SEMA6D: variants seen among roughly 807,000 people sequenced by gnomAD.
SEMA6D encodes the protein semaphorin-6D.
Under a neutral mutation model 106.6 loss-of-function variants are expected in SEMA6D, and 35 were observed. That is an observed-to-expected ratio of 0.33 (90% CI 0.25 to 0.44). The LOEUF is 0.44. Ranked by LOEUF, SEMA6D falls within the 20% of genes least tolerant of loss-of-function variation. SEMA6D has a pLI of 1.00. For missense variants in SEMA6D, 1,185 were observed against 1,345.9 expected (o/e 0.88, Z 1.87); for synonymous variants, 499 against 487.7 (o/e 1.02, Z -0.31).
chr15:47,742,272 A>T (rs2080866526), intron 1 of SEMA6D, among the ~76,000 whole-genome samples: 1 of 148,532 alleles, frequency 6.7e-6, no homozygotes, highest in Admixed American at 6.7e-5. Context: ...ATTTTTACTC[A>T]CATTTTCTCA....
intron 1 of SEMA6D, among the ~76,000 whole-genome samples, chr15:47,255,520 C>A (rs1048714852): frequency 6.6e-6 from 1 of 151,868 alleles, no homozygotes; most frequent in Non-Finnish European, 1.5e-5. Context: ...TGAGACGTAA[C>A]ATTAGGTTAT....
chr15:47,196,047 G>A (rs543538950), intron 1 of SEMA6D, among the ~76,000 whole-genome samples: 88 of 150,350 alleles, frequency 5.9e-4, no homozygotes, highest in African/African-American at 2.1e-3. Context: ...TTGGAGACGT[G>A]AGAACAGGGT....
intron 3 of SEMA6D, among the ~76,000 whole-genome samples, chr15:47,522,193 G>A (rs919046395): frequency 6.6e-6 from 1 of 152,168 alleles, no homozygotes; most frequent in African/African-American, 2.4e-5. Context: ...GAGTTTAGAC[G>A]GAGTCTCAGA....
chr15:47,352,522 G>A (rs187326130), intron 1 of SEMA6D, among the ~76,000 whole-genome samples: 308 of 152,292 alleles, frequency 2.0e-3, no homozygotes, highest in African/African-American at 6.9e-3. Context: ...GATGTAGTTC[G>A]GGCTAATGAG....
intron 1 of SEMA6D, among the ~76,000 whole-genome samples, chr15:47,741,341 CCCTG>C (rs1265639483): frequency 2.6e-5 from 4 of 152,226 alleles, no homozygotes; most frequent in Admixed American, 2.0e-4. Context: ...TAGCATGCAA[CCCTG>C]GCTTGTTATA....
At chr15:47,594,182 A>G (rs2076495089) in intron 3 of SEMA6D, among the ~76,000 whole-genome samples, 1 of 152,220 alleles carries the variant, frequency 6.6e-6, no homozygotes, top group Non-Finnish European at 1.5e-5. Context: ...AACTGAAATC[A>G]CTATTATAGA....
intron 1 of SEMA6D, among the ~76,000 whole-genome samples, chr15:47,211,378 G>T (rs1008507579): frequency 6.6e-6 from 1 of 152,072 alleles, no homozygotes; most frequent in African/African-American, 2.4e-5. Flanking sequence ...AATCAATGGG[G>T]ACAGTTTATA....
At chr15:47,448,237 G>A (rs981752868) in intron 2 of SEMA6D, among the ~76,000 whole-genome samples, 2 of 152,056 alleles carry the variant, frequency 1.3e-5, no homozygotes, top group East Asian at 1.9e-4. Flanking sequence ...GTACCACGAC[G>A]CCTGGGCCGG....
At chr15:47,467,010 T>C (rs1055620773) in intron 2 of SEMA6D, among the ~76,000 whole-genome samples, 11 of 151,868 alleles carry the variant, frequency 7.2e-5, no homozygotes, top group African/African-American at 2.7e-4. Flanking sequence ...ATTACAGGCA[T>C]GAGCTACTGC....
At chr15:47,588,633 T>G (rs1396244198) in intron 3 of SEMA6D, among the ~76,000 whole-genome samples, 1 of 152,184 alleles carries the variant, frequency 6.6e-6, no homozygotes, top group Non-Finnish European at 1.5e-5. Flanking sequence ...AGACCAGCCA[T>G]CTGGATGTTG....
At chr15:47,231,128 C>T (rs2032164662) in intron 1 of SEMA6D, among the ~76,000 whole-genome samples, 1 of 151,922 alleles carries the variant, frequency 6.6e-6, no homozygotes, top group South Asian at 2.1e-4. Flanking sequence ...TTGTTCCCTT[C>T]CTCCTCTGCT....
At chr15:47,539,415 T>G (rs201939706) in intron 3 of SEMA6D, among the ~76,000 whole-genome samples, 2,190 of 152,044 alleles carry the variant, frequency 0.014, 18 homozygotes, top group East Asian at 0.024. Flanking sequence ...CAGTTTTTTT[T>G]TTTGTTTGTT....
intron 3 of SEMA6D, among the ~76,000 whole-genome samples, chr15:47,487,137 A>G (rs897500806): frequency 2.0e-5 from 3 of 152,220 alleles, no homozygotes; most frequent in Non-Finnish European, 4.4e-5. Context: ...CAATCAAACA[A>G]TATACAGATA....
intron 1 of SEMA6D, among the ~76,000 whole-genome samples, chr15:47,282,856 C>T (rs1174185227): frequency 2.0e-5 from 3 of 152,124 alleles, no homozygotes; most frequent in Admixed American, 6.6e-5. Context: ...AGACGCTTAC[C>T]AGCACTGTTG....
At chr15:47,517,246 G>T (rs2044418325) in intron 3 of SEMA6D, among the ~76,000 whole-genome samples, 1 of 152,082 alleles carries the variant, frequency 6.6e-6, no homozygotes, top group Non-Finnish European at 1.5e-5. Context: ...ATCAGTTACT[G>T]CTTTGAAAAC....
intron 1 of SEMA6D, among the ~76,000 whole-genome samples, chr15:47,276,957 T>C (rs1346620503): frequency 6.6e-6 from 1 of 152,172 alleles, no homozygotes; most frequent in East Asian, 1.9e-4. Context: ...GATGTTTCAA[T>C]GAAATTGATT....
intron 1 of SEMA6D, among the ~76,000 whole-genome samples, chr15:47,278,291 T>C (rs2034935984): frequency 6.6e-6 from 1 of 152,212 alleles, no homozygotes. Flanking sequence ...CCTGACATTT[T>C]AATGATTGCC....
rs116104778 is a variant in SEMA6D, at chr15:47,404,143, A to G, written c.-238-8250A>G. ...TGTATCTCAAAAGGGATATGGGGAT[A>G]TCATTTGGAAAATCACCTTAAATTA... On this transcript the variant is annotated intron_variant, in intron 1 of 19. Transcript: ENST00000558014. Among the ~76,000 whole-genome samples, 607 of 152,308 alleles carry G rather than the reference A, an allele frequency of 4.0e-3. 6 individuals are homozygous for G. The highest frequency in any genetic ancestry group is 0.014 in the African/African-American group (580 of 41,564).
At chr15:47,652,807 C>T (rs1253207284) in intron 4 of SEMA6D, among the ~76,000 whole-genome samples, 2 of 152,180 alleles carry the variant, frequency 1.3e-5, no homozygotes, top group African/African-American at 2.4e-5. Flanking sequence ...TCCTTTTTGT[C>T]TCTGCTTTGC....
Sources: gnomAD v4.1 joint callset for allele counts (sites outside exome capture counted in the v4.1 genomes callset) on GRCh38, gnomAD v4.1.1 for gene constraint, MANE v1.5 for transcripts, NCBI Gene and HGNC (gene_info 2026-07-23, HGNC 2026-07-21) for gene names.